RHOBTB1: variants seen among roughly 807,000 people sequenced by gnomAD.
RHOBTB1 encodes the protein Rho related BTB domain containing 1, also known as rho-related BTB domain-containing protein 1.
A neutral mutation model predicts 71.6 loss-of-function variants in RHOBTB1; 40 were observed. That is an observed-to-expected ratio of 0.56 (90% confidence interval 0.43 to 0.73). The LOEUF (loss-of-function observed/expected upper bound fraction) is 0.73. Ranked by LOEUF, RHOBTB1 falls within the 30% of genes least tolerant of loss-of-function variation. The pLI, the probability that RHOBTB1 is intolerant of heterozygous loss-of-function variation, is 0.00. For missense variants in RHOBTB1, 797 were observed against 894.0 expected (o/e 0.89, Z 1.38); for synonymous variants, 319 against 334.9 (o/e 0.95, Z 0.52).
At chr10:60,958,513 A>T (rs1565135935) in intron 2 of RHOBTB1, among the ~76,000 whole-genome samples, 3 of 151,946 alleles carry the variant, frequency 2.0e-5, no homozygotes, top group Non-Finnish European at 4.4e-5. Flanking sequence ...TTTCCAAAAC[A>T]TTTTTTTTCA....
At chr10:60,912,637 C>A (rs540471156) in intron 2 of RHOBTB1, 1 of 152,290 alleles carries the variant, frequency 6.6e-6, no homozygotes, top group African/African-American at 2.4e-5. Flanking sequence ...AATAATTTTA[C>A]CAGGAGAGTT....
intron 2 of RHOBTB1, among the ~76,000 whole-genome samples, chr10:60,937,704 C>A (rs1474542385): frequency 6.6e-6 from 1 of 152,084 alleles, no homozygotes; most frequent in Non-Finnish European, 1.5e-5. Flanking sequence ...CCACTGGAAC[C>A]CAGAGAGACC....
chr10:60,971,164 T>C (rs2086142506), intron 2 of RHOBTB1, among the ~76,000 whole-genome samples: 1 of 152,066 alleles, frequency 6.6e-6, no homozygotes, highest in Non-Finnish European at 1.5e-5. Context: ...TTTTTTCACT[T>C]TGTATTTGTA....
intron 2 of RHOBTB1, among the ~76,000 whole-genome samples, chr10:60,984,144 A>G (rs2086589136): frequency 6.6e-6 from 1 of 152,170 alleles, no homozygotes; most frequent in Non-Finnish European, 1.5e-5. Context: ...CAACCAGTTA[A>G]TATGCACGTA....
intron 2 of RHOBTB1, among the ~76,000 whole-genome samples, chr10:60,915,386 C>T (rs908992761): frequency 2.0e-5 from 3 of 151,444 alleles, no homozygotes; most frequent in Admixed American, 1.3e-4. Context: ...TCCTGCTGAT[C>T]GATGTGGAGA....
At chr10:60,867,923 A>G (rs2080645239), downstream of RHOBTB1, among the ~76,000 whole-genome samples, 1 of 152,214 alleles carries the variant, frequency 6.6e-6, no homozygotes, top group Non-Finnish European at 1.5e-5. Flanking sequence ...TCATCATACA[A>G]TAAATTAAGT....
At chr10:61,001,378 G>C (rs2087265586) in intron 1 of RHOBTB1, 1 of 150,992 alleles carries the variant, frequency 6.6e-6, no homozygotes, top group Non-Finnish European at 1.5e-5. Context: ...GCCCCGCCAC[G>C]CCCCGCGACG....
At chr10:60,920,638 AGTTTTGTTTT>A (rs572223910) in intron 2 of RHOBTB1, among the ~76,000 whole-genome samples, 141 of 146,484 alleles carry the variant, frequency 9.6e-4, no homozygotes, top group Non-Finnish European at 1.5e-3. Context: ...TTTTTTTTTA[AGTTTTGTTTT>A]GTTTTGTTTT....
intron 7 of RHOBTB1, among the ~76,000 whole-genome samples, chr10:60,878,828 T>A (rs942507071): frequency 2.0e-5 from 3 of 152,176 alleles, no homozygotes; most frequent in African/African-American, 7.2e-5. Flanking sequence ...TGGAGAGCTG[T>A]AGAGGTGGGC....
intron 1 of RHOBTB1, among the ~76,000 whole-genome samples, chr10:60,999,092 C>T (rs560781987): frequency 6.6e-6 from 1 of 152,276 alleles, no homozygotes; most frequent in East Asian, 1.9e-4. Flanking sequence ...TATTTTTCAC[C>T]TAGTGCACTT....
At chr10:60,876,295 G>A (rs1248996809) in intron 8 of RHOBTB1, among the ~76,000 whole-genome samples, 1 of 152,064 alleles carries the variant, frequency 6.6e-6, no homozygotes, top group East Asian at 1.9e-4. Flanking sequence ...AATCATCTTG[G>A]GAAGCTGTAT....
intron 2 of RHOBTB1, among the ~76,000 whole-genome samples, chr10:60,967,429 A>G (rs1217617177): frequency 6.6e-6 from 1 of 151,710 alleles, no homozygotes; most frequent in Non-Finnish European, 1.5e-5. Flanking sequence ...AGTAGCTGGG[A>G]TTACAGGTGT....
chr10:60,974,495 A>C (rs188548153), intron 2 of RHOBTB1, among the ~76,000 whole-genome samples: 6 of 152,210 alleles, frequency 3.9e-5, no homozygotes, highest in African/African-American at 1.4e-4. Context: ...GACTCCAAAA[A>C]ATATACATAG....
At chr10:60,986,883 C>G (rs1309484976) in intron 1 of RHOBTB1, among the ~76,000 whole-genome samples, 1 of 152,182 alleles carries the variant, frequency 6.6e-6, no homozygotes, top group Non-Finnish European at 1.5e-5. Context: ...TTCTGTGCCT[C>G]TCTAACAAAG....
At chr10:60,866,359 G>A (rs779541853), downstream of RHOBTB1, among the ~76,000 whole-genome samples, 1 of 152,116 alleles carries the variant, frequency 6.6e-6, no homozygotes, top group Non-Finnish European at 1.5e-5. Flanking sequence ...GTAGATAGAA[G>A]GAAATTTGCT....
intron 4 of RHOBTB1, among the ~76,000 whole-genome samples, chr10:60,898,679 G>T (rs1396370064): frequency 6.6e-6 from 1 of 152,196 alleles, no homozygotes; most frequent in Non-Finnish European, 1.5e-5. Flanking sequence ...TTTACCAATA[G>T]CGTGAGGCTT....
intron 4 of RHOBTB1, among the ~76,000 whole-genome samples, chr10:60,898,699 A>G (rs1219848199): frequency 6.6e-6 from 1 of 152,214 alleles, no homozygotes; most frequent in African/African-American, 2.4e-5. Flanking sequence ...TCTTAAGTAC[A>G]GATGTTATGT....
Position 60,888,840 on chromosome 10 carries a change from T to C in RHOBTB1, c.828A>G (p.Glu276=), listed in dbSNP as rs1589197411. 1.2e-6 allele frequency: 2 copies of C among 1,614,066 alleles called. No homozygotes were observed. The highest frequency in any genetic ancestry group is 1.7e-6 in the Non-Finnish European group (2 of 1,180,030). The change falls in exon 6 of 11, where the codon GAA becomes GAG. Residue 276 remains glutamate, a synonymous_variant. Coordinates refer to ENST00000337910, the MANE Select transcript of RHOBTB1 (RefSeq NM_014836.5). ...GGTAAATTCGATGTGCAAAGATGTG[T>C]TCCTGGTCCTGAAGGATGAACAGAA... ...ADVLFILQDQ[E]HIFAHRIYLA...
chr10:60,971,523 A>C (rs2134677321), intron 2 of RHOBTB1, among the ~76,000 whole-genome samples: 1 of 152,308 alleles, frequency 6.6e-6, no homozygotes. Flanking sequence ...CCCATTCCTT[A>C]CACCTTATAC....
Sources: allele counts gnomAD v4.1 joint callset (sites outside exome capture counted in the v4.1 genomes callset), GRCh38; gene constraint gnomAD v4.1.1; transcripts MANE v1.5; gene names NCBI Gene and HGNC (gene_info 2026-07-23, HGNC 2026-07-21).